Variants in MAP2 observed in about 807,000 individuals in gnomAD.
The protein encoded by MAP2 is microtubule associated protein 2.
In MAP2, 14 loss-of-function variants were observed where a neutral mutation model predicts 137.6. The observed-to-expected ratio is 0.10, with a 90% CI of 0.07 to 0.16. The LOEUF is 0.16. MAP2 is among the 10% of genes least tolerant of loss of function. MAP2 has a pLI of 1.00. For missense variants in MAP2, 2,088 were observed against 2,191.5 expected (o/e 0.95, Z 0.94); for synonymous variants, 786 against 782.3 (o/e 1.00, Z -0.08).
intron 2 of MAP2, among the ~76,000 whole-genome samples, chr2:209,529,350 C>T (rs867997297): frequency 2.0e-5 from 3 of 152,150 alleles, no homozygotes; most frequent in Middle Eastern, 3.4e-3. Context: ...ATGCATTGTA[C>T]GTCAATTAAC....
chr2:209,637,613 G>A (rs2093672873), intron 4 of MAP2, among the ~76,000 whole-genome samples: 1 of 152,090 alleles, frequency 6.6e-6, no homozygotes, highest in South Asian at 2.1e-4. Flanking sequence ...TAAGGATGCT[G>A]TTACCAGTAA....
At chr2:209,689,634 GT>G (rs1433937203) in intron 7 of MAP2, among the ~76,000 whole-genome samples, 1 of 152,026 alleles carries the variant, frequency 6.6e-6, no homozygotes, top group Non-Finnish European at 1.5e-5. Flanking sequence ...GATATACATG[GT>G]TTGGGGGGTG....
At chr2:209,490,921 A>G (rs1288487030) in intron 1 of MAP2, among the ~76,000 whole-genome samples, 1 of 152,154 alleles carries the variant, frequency 6.6e-6, no homozygotes, top group East Asian at 1.9e-4. Context: ...GATATTCAGG[A>G]CTTGAACTCA....
At chr2:209,530,016 T>A (rs541719392) in intron 2 of MAP2, among the ~76,000 whole-genome samples, 1 of 149,800 alleles carries the variant, frequency 6.7e-6, no homozygotes, top group South Asian at 2.1e-4. Context: ...TTACAAAAAA[T>A]TTAAAATAAC....
intron 1 of MAP2, among the ~76,000 whole-genome samples, chr2:209,497,618 A>G (rs2150071764): frequency 6.6e-6 from 1 of 152,320 alleles, no homozygotes; most frequent in South Asian, 2.1e-4. Context: ...GCATCAGCTC[A>G]TGGGGAGGAC....
intron 3 of MAP2, among the ~76,000 whole-genome samples, chr2:209,600,447 A>C (rs1390089068): frequency 6.6e-6 from 1 of 152,156 alleles, no homozygotes; most frequent in Non-Finnish European, 1.5e-5. Context: ...AGCTGCTGTC[A>C]GTCCCCCCAG....
chr2:209,649,343 A>G (rs752412996), intron 4 of MAP2, among the ~76,000 whole-genome samples: 25 of 152,072 alleles, frequency 1.6e-4, no homozygotes, highest in Non-Finnish European at 2.9e-4. Context: ...GCACATTCAC[A>G]TGGTTTTCAA....
chr2:209,593,635 ATATATATATATATATATATAT>A (rs1288712279), intron 3 of MAP2, among the ~76,000 whole-genome samples: 7 of 24,062 alleles, frequency 2.9e-4, no homozygotes, highest in Non-Finnish European at 4.0e-4. Flanking sequence ...AAAAAAAAAA[ATATATATATATATATATATAT>A]ATATATATAT....
intron 3 of MAP2, among the ~76,000 whole-genome samples, chr2:209,590,123 C>G (rs2078850046): frequency 6.6e-6 from 1 of 152,048 alleles, no homozygotes; most frequent in South Asian, 2.1e-4. Flanking sequence ...TTTCCACCAC[C>G]CCATCCATGC....
intron 5 of MAP2, among the ~76,000 whole-genome samples, chr2:209,665,836 G>T (rs1248926881): frequency 2.0e-5 from 3 of 151,970 alleles, no homozygotes; most frequent in Non-Finnish European, 4.4e-5. Context: ...TTAATAAAAA[G>T]CTTCCTGTGA....
Position 209,427,751 on chromosome 2 carries a change from C to G in MAP2, c.-222+3475C>G, listed in dbSNP as rs550459594. ...CAATTGCAGAAAATGATTCTAGGCA[C>G]CAAAAGCAGTTAAAAGTCTGCAAAT... On this transcript the variant is annotated intron_variant, in intron 1 of 15. Transcript: ENST00000682079. 9.5e-4 allele frequency among the ~76,000 whole-genome samples: 144 copies of G among 152,000 alleles called. 2 individuals carry two copies. In the South Asian group the frequency reaches 0.016, roughly 16 times the overall value.
At chr2:209,622,110 A>G (rs1178605527) in intron 3 of MAP2, among the ~76,000 whole-genome samples, 1 of 152,208 alleles carries the variant, frequency 6.6e-6, no homozygotes, top group East Asian at 1.9e-4. Context: ...ATCTGGCTCT[A>G]AAAGGTTCTG....
chr2:209,716,823 T>A (rs1209677708), intron 13 of MAP2, among the ~76,000 whole-genome samples: 2 of 152,216 alleles, frequency 1.3e-5, no homozygotes, highest in East Asian at 3.9e-4. Flanking sequence ...GACTCTTAAA[T>A]CATTTTAAAT....
At chr2:209,453,871 G>T (rs1700858682) in intron 1 of MAP2, among the ~76,000 whole-genome samples, 1 of 152,098 alleles carries the variant, frequency 6.6e-6, no homozygotes, top group South Asian at 2.1e-4. Context: ...TAGAGGACAG[G>T]CCGGGTGTCG....
At chr2:209,547,645 T>C (rs1413012807) in intron 2 of MAP2, among the ~76,000 whole-genome samples, 1 of 152,190 alleles carries the variant, frequency 6.6e-6, no homozygotes, top group Non-Finnish European at 1.5e-5. Flanking sequence ...TCTTTGAACA[T>C]GTTACTTAAC....
intron 3 of MAP2, among the ~76,000 whole-genome samples, chr2:209,614,241 A>T (rs777667665): frequency 3.9e-5 from 6 of 151,990 alleles, no homozygotes; most frequent in African/African-American, 1.5e-4. Context: ...ATAATAGAAC[A>T]TCTTTCTGAA....
intron 2 of MAP2, among the ~76,000 whole-genome samples, chr2:209,533,325 A>G (rs1274124412): frequency 6.8e-4 from 103 of 152,014 alleles, no homozygotes; most frequent in Non-Finnish European, 2.9e-5. Context: ...TTGTATTTTT[A>G]GTAAAGATGG....
chr2:209,523,830 A>G (rs2063622001), intron 2 of MAP2, among the ~76,000 whole-genome samples: 1 of 152,196 alleles, frequency 6.6e-6, no homozygotes. Flanking sequence ...TAATTTAAAC[A>G]TAACTTTTAT....
chr2:209,693,896 T>C lies in MAP2; in HGVS notation c.1726T>C (p.Ser576Pro), dbSNP rs2059565107. 6.2e-7 allele frequency: 1 copy of C among 1,611,292 alleles called. No individual in the cohort carries two copies. The highest frequency in any genetic ancestry group is 1.3e-5 in the African/African-American group (1 of 74,664). Residue 576 changes from serine (S) to proline (P), a missense_variant, in exon 8 of 16, where the codon TCT becomes CCT. By Grantham distance (74) the Ser-to-Pro change is moderately conservative. Coordinates refer to ENST00000682079, the MANE Select transcript of MAP2 (RefSeq NM_001375505.1). ...KSGMSKYFETSALKEEATKSI... is the reference protein window; with the variant it reads ...KSGMSKYFETPALKEEATKSI... ...AGGAATGTCCAAGTACTTTGAAACA[T>C]CTGCCTTGAAAGAAGAAGCAACAAA...
Sources: allele counts gnomAD v4.1 joint callset (sites outside exome capture counted in the v4.1 genomes callset), GRCh38; gene constraint gnomAD v4.1.1; transcripts MANE v1.5; gene names NCBI Gene and HGNC (gene_info 2026-07-23, HGNC 2026-07-21).